The following PIP4P2 variants were observed in gnomAD, a reference collection of about 807,000 sequenced individuals.
The protein encoded by PIP4P2 is type 2 phosphatidylinositol 4,5-bisphosphate 4-phosphatase.
PIP4P2 carries 19 observed loss-of-function variants against 33.3 expected under a neutral mutation model. The ratio of observed to expected loss-of-function variants is 0.57; its 90% confidence interval spans 0.40 to 0.84. PIP4P2 has a LOEUF of 0.84. Among genes scored for constraint, PIP4P2 ranks in the 40% least tolerant of loss-of-function variants. The pLI is 0.00. For missense variants in PIP4P2, 270 were observed against 324.7 expected (o/e 0.83, Z 1.29); for synonymous variants, 110 against 111.9 (o/e 0.98, Z 0.11).
Position 91,033,143 on chromosome 8 carries a change from G to C in PIP4P2, c.106+7501C>G, listed in dbSNP as rs144527875. On this transcript the variant is annotated intron_variant, in intron 1 of 6. Coordinates refer to ENST00000285419, the MANE Select transcript of PIP4P2 (RefSeq NM_018710.3). ...GCTACTGTACATTTAATAAATAATTGTTGAATGAAATTTGCTCTCCAACCC... is the reference window on the plus strand; with the variant it reads ...GCTACTGTACATTTAATAAATAATTCTTGAATGAAATTTGCTCTCCAACCC... Among the ~76,000 whole-genome samples, 65 of 152,282 alleles carry C rather than the reference G, an allele frequency of 4.3e-4. No homozygotes were observed. In the East Asian group the frequency reaches 5.4e-3, roughly 13 times the overall value.
At chr8:91,026,681 T>C (rs1190595396) in intron 1 of PIP4P2, among the ~76,000 whole-genome samples, 1 of 152,182 alleles carries the variant, frequency 6.6e-6, no homozygotes, top group East Asian at 1.9e-4. Context: ...TTCTATCTTC[T>C]GACCAATCCT....
At chr8:91,025,915 C>A (rs1401122837) in intron 1 of PIP4P2, among the ~76,000 whole-genome samples, 1 of 152,148 alleles carries the variant, frequency 6.6e-6, no homozygotes, top group Non-Finnish European at 1.5e-5. Flanking sequence ...TTCTGCTCCT[C>A]CCCACCTTTG....
intron 5 of PIP4P2, among the ~76,000 whole-genome samples, chr8:91,000,042 T>C (rs933496508): frequency 6.6e-6 from 1 of 152,012 alleles, no homozygotes; most frequent in Non-Finnish European, 1.5e-5. Context: ...TCTGAAAGTT[T>C]TACAATTTAT....
intron 3 of PIP4P2, among the ~76,000 whole-genome samples, chr8:91,019,659 T>C (rs1811976633): frequency 6.6e-6 from 1 of 151,224 alleles, no homozygotes; most frequent in Admixed American, 6.6e-5. Flanking sequence ...TTGAAGGCTT[T>C]AATCCCTAGG....
At chr8:91,024,722 A>G (rs7837376) in intron 1 of PIP4P2, among the ~76,000 whole-genome samples, 73,246 of 151,988 alleles carry the variant, frequency 0.48, 20,639 homozygotes, top group Non-Finnish European at 0.64. Flanking sequence ...CATTTTGGAA[A>G]AGTCTTACTT....
intron 5 of PIP4P2, among the ~76,000 whole-genome samples, chr8:91,006,311 C>T (rs773379801): frequency 6.6e-6 from 1 of 152,188 alleles, no homozygotes. Context: ...ATTCTACAAA[C>T]CTTCCTCTTA....
At chr8:91,022,917 T>A (rs1812032188) in intron 1 of PIP4P2, among the ~76,000 whole-genome samples, 2 of 152,178 alleles carry the variant, frequency 1.3e-5, no homozygotes, top group African/African-American at 4.8e-5. Context: ...AACAGAACAC[T>A]GCCAAACACT....
chr8:91,017,657 G>T (rs901188239), intron 4 of PIP4P2, among the ~76,000 whole-genome samples: 1 of 151,988 alleles, frequency 6.6e-6, no homozygotes, highest in Non-Finnish European at 1.5e-5. Flanking sequence ...GTGACAGCAG[G>T]TTTTGTTTAG....
At chr8:90,995,851 A>G (rs1466736948) in intron 6 of PIP4P2, 31 bp from the exon 7 acceptor site, 3 of 1,574,172 alleles carry the variant, frequency 1.9e-6, no homozygotes, top group Middle Eastern at 1.7e-4. Context: ...AAAACAAAAT[A>G]TTAGAAACTT....
intron 5 of PIP4P2, among the ~76,000 whole-genome samples, chr8:91,004,021 TAA>T (rs1018276707): frequency 7.3e-5 from 11 of 149,806 alleles, no homozygotes; most frequent in African/African-American, 2.7e-4. Flanking sequence ...ATGAAATAGA[TAA>T]GAGGCAATTT....
At position 91,018,378 on chromosome 8, in the gene PIP4P2, C is replaced by CACTGGA; in HGVS notation, c.486+11_486+12insTCCAGT. 6.2e-7 allele frequency: 1 copy of CACTGGA among 1,613,852 alleles called. No homozygotes were observed. ...ATATTTACAGATTAATGACAAATGT[C>CACTGGA]CAGTGACTTACCAGGAATGTGTTTC... On this transcript the variant is annotated intron_variant, in intron 4 of 6. Transcript: ENST00000285419.
At chr8:91,001,805 C>T (rs1360829309) in intron 5 of PIP4P2, among the ~76,000 whole-genome samples, 1 of 152,030 alleles carries the variant, frequency 6.6e-6, no homozygotes, top group East Asian at 1.9e-4. Flanking sequence ...CTTATTTTGG[C>T]AGATCTCAAT....
intron 1 of PIP4P2, among the ~76,000 whole-genome samples, chr8:91,040,419 C>CACG (rs1268578297): frequency 1.1e-5 from 1 of 90,320 alleles, no homozygotes; most frequent in Non-Finnish European, 3.0e-5. Flanking sequence ...CCACCACCAT[C>CACG]ACCACCACCA....
At chr8:91,017,213 A>C (rs1369978146) in intron 4 of PIP4P2, among the ~76,000 whole-genome samples, 3 of 152,162 alleles carry the variant, frequency 2.0e-5, no homozygotes, top group Non-Finnish European at 4.4e-5. Context: ...AGTCTGGCCA[A>C]CATTATGTAA....
intron 1 of PIP4P2, among the ~76,000 whole-genome samples, chr8:91,023,976 T>G (rs1407319213): frequency 6.6e-6 from 1 of 152,020 alleles, no homozygotes; most frequent in Non-Finnish European, 1.5e-5. Flanking sequence ...CTACTCTCCT[T>G]GCAGAGGAGC....
chr8:91,027,946 G>A (rs1168218048), intron 1 of PIP4P2, among the ~76,000 whole-genome samples: 1 of 152,196 alleles, frequency 6.6e-6, no homozygotes, highest in Non-Finnish European at 1.5e-5. Context: ...GCATCCTGCT[G>A]TGGTTTCCCT....
intron 5 of PIP4P2, among the ~76,000 whole-genome samples, chr8:90,998,363 C>T (rs1276462540): frequency 6.6e-6 from 1 of 151,990 alleles, no homozygotes; most frequent in Non-Finnish European, 1.5e-5. Flanking sequence ...CTTTTCATCA[C>T]TCAAATTAAA....
At chr8:91,021,176 T>G (rs1812003745) in intron 2 of PIP4P2, 80 bp downstream of exon 2, 2 of 1,510,800 alleles carry the variant, frequency 1.3e-6, no homozygotes, top group African/African-American at 2.8e-5. Flanking sequence ...TACTTTTAAG[T>G]AACATTATTG....
intron 4 of PIP4P2, among the ~76,000 whole-genome samples, chr8:91,011,678 A>AATT (rs1342180586): frequency 6.6e-6 from 1 of 152,056 alleles, no homozygotes; most frequent in African/African-American, 2.4e-5. Context: ...CTATAAAATA[A>AATT]ATGTGCCATT....
Sources: allele counts gnomAD v4.1 joint callset (sites outside exome capture counted in the v4.1 genomes callset), GRCh38; gene constraint gnomAD v4.1.1; transcripts MANE v1.5; gene names NCBI Gene and HGNC (gene_info 2026-07-23, HGNC 2026-07-21).